RALGAPA1: variants seen among roughly 807,000 people sequenced by gnomAD.
The protein encoded by RALGAPA1 is ral GTPase-activating protein subunit alpha-1.
In RALGAPA1, 52 loss-of-function variants were observed where a neutral mutation model predicts 269.6. The observed-to-expected ratio is 0.19, with a 90% CI of 0.15 to 0.24. RALGAPA1 has a LOEUF of 0.24. Among genes scored for constraint, RALGAPA1 ranks in the 10% least tolerant of loss-of-function variants. The pLI, the probability that RALGAPA1 is intolerant of heterozygous loss-of-function variation, is 1.00. For synonymous variants in RALGAPA1, 817 were observed against 1,008.3 expected, an observed-to-expected ratio of 0.81 and a Z score of 3.60; for missense variants, 1,917 against 3,013.9, an observed-to-expected ratio of 0.64 and a Z score of 8.52.
chr14:35,679,695 C>T (rs948620601), intron 21 of RALGAPA1, among the ~76,000 whole-genome samples: 28 of 151,030 alleles, frequency 1.9e-4, no homozygotes, highest in Non-Finnish European at 3.4e-4. Flanking sequence ...AAGTCAAGGA[C>T]GATCTACATT....
chr14:35,754,562 G>A (rs113328987), intron 7 of RALGAPA1, among the ~76,000 whole-genome samples: 38 of 152,254 alleles, frequency 2.5e-4, no homozygotes, highest in African/African-American at 8.7e-4. Flanking sequence ...CAAATTGACC[G>A]TACCAACTGT....
At chr14:35,598,289 C>T (rs932021920) in intron 36 of RALGAPA1, among the ~76,000 whole-genome samples, 2 of 152,056 alleles carry the variant, frequency 1.3e-5, no homozygotes, top group Non-Finnish European at 2.9e-5. Context: ...CAGTAATTCT[C>T]TTTGCTCTAA....
At chr14:35,593,261 T>C (rs918310504) in intron 37 of RALGAPA1, among the ~76,000 whole-genome samples, 1 of 152,168 alleles carries the variant, frequency 6.6e-6, no homozygotes, top group African/African-American at 2.4e-5. Context: ...ACCATAAACA[T>C]ACTTAGAAAT....
chr14:35,607,065 T>C (rs1170020650), intron 35 of RALGAPA1, among the ~76,000 whole-genome samples: 3 of 152,198 alleles, frequency 2.0e-5, no homozygotes, highest in Non-Finnish European at 4.4e-5. Context: ...ACAGCCTCTC[T>C]CCCAAGCAAA....
intron 26 of RALGAPA1, among the ~76,000 whole-genome samples, chr14:35,670,524 A>G (rs1381086245): frequency 6.6e-6 from 1 of 152,098 alleles, no homozygotes; most frequent in Non-Finnish European, 1.5e-5. Context: ...CTTCCTCTCT[A>G]GCTCACCTCT....
At chr14:35,650,177 G>C (rs1472932668) in intron 31 of RALGAPA1, among the ~76,000 whole-genome samples, 1 of 151,998 alleles carries the variant, frequency 6.6e-6, no homozygotes, top group East Asian at 1.9e-4. Context: ...TTTGAGACCG[G>C]CCTGGCCAAG....
chr14:35,625,249 T>C, intron 35 of RALGAPA1, 112 bp downstream of exon 35: 1 of 646,802 alleles, frequency 1.5e-6, no homozygotes. Context: ...CTCAGAAAGT[T>C]ATAAATCAAT....
At chr14:35,557,169 A>G (rs899014696) in intron 39 of RALGAPA1, among the ~76,000 whole-genome samples, 4 of 150,366 alleles carry the variant, frequency 2.7e-5, no homozygotes, top group African/African-American at 9.7e-5. Flanking sequence ...AAGTTGTACG[A>G]AGCAAAACAA....
chr14:35,574,977 A>C (rs1413202725), intron 37 of RALGAPA1, among the ~76,000 whole-genome samples: 1 of 151,870 alleles, frequency 6.6e-6, no homozygotes, highest in Admixed American at 6.6e-5. Flanking sequence ...AAAATACAAA[A>C]ATTAGACAGG....
chr14:35,577,078 T>C (rs749985459), intron 37 of RALGAPA1, among the ~76,000 whole-genome samples: 4 of 152,216 alleles, frequency 2.6e-5, no homozygotes, highest in Non-Finnish European at 4.4e-5. Flanking sequence ...GGTGAACTCA[T>C]GGTGGCTCCT....
At chr14:35,753,490 A>G (rs985107994) in intron 7 of RALGAPA1, among the ~76,000 whole-genome samples, 6 of 152,200 alleles carry the variant, frequency 3.9e-5, no homozygotes, top group Admixed American at 2.0e-4. Context: ...TATGTATACA[A>G]TATAATATTA....
intron 31 of RALGAPA1, among the ~76,000 whole-genome samples, chr14:35,643,436 A>T (rs2062166769): frequency 6.6e-6 from 1 of 152,204 alleles, no homozygotes; most frequent in Admixed American, 6.5e-5. Context: ...TGTTGGTGGG[A>T]ATTTATGTTA....
At position 35,688,736 on chromosome 14, in the gene RALGAPA1, G is replaced by A; in HGVS notation, c.3675C>T (p.Ser1225=). ...LDTLGTASVS[S]KTVKESTEIP... ...TCTCTGTGGATTCCTTCACTGTTTT[G>A]CTGCTTACTGATGCAGTACCAAGTG... The change falls in exon 18 of 42, where the codon AGC becomes AGT. Residue 1225 remains serine (S), a synonymous_variant. Coordinates refer to ENST00000680220, the MANE Select transcript of RALGAPA1 (RefSeq NM_001346249.2). The A allele has an allele frequency of 6.8e-7, 1 of 1,466,006 alleles. No individual in the cohort carries two copies. Among genetic ancestry groups the A allele is most frequent in the Non-Finnish European group, 9.0e-7 (1 of 1,115,518 alleles). 90.8% of individuals were successfully genotyped at this position (1,466,006 alleles called of 1,614,324 possible).
intron 16 of RALGAPA1, among the ~76,000 whole-genome samples, chr14:35,709,329 T>C (rs1171257723): frequency 1.3e-5 from 2 of 152,150 alleles, no homozygotes; most frequent in East Asian, 1.9e-4. Flanking sequence ...AAATATCTCA[T>C]GTACCCCATA....
chr14:35,687,454 CTG>C (rs1258386343), intron 18 of RALGAPA1, among the ~76,000 whole-genome samples: 1 of 152,204 alleles, frequency 6.6e-6, no homozygotes, highest in Non-Finnish European at 1.5e-5. Context: ...CAGAAGCTCA[CTG>C]TGAAATACCA....
intron 37 of RALGAPA1, among the ~76,000 whole-genome samples, chr14:35,593,116 C>T (rs1214703786): frequency 6.6e-6 from 1 of 152,070 alleles, no homozygotes; most frequent in Admixed American, 6.6e-5. Flanking sequence ...TGAGATTCCA[C>T]AAAAACAGTG....
chr14:35,652,364 TTA>T (rs10645179), intron 30 of RALGAPA1, among the ~76,000 whole-genome samples: 8,616 of 147,520 alleles, frequency 0.058, 309 homozygotes, highest in African/African-American at 0.1. Flanking sequence ...GGCCTTTTGT[TTA>T]TATATATATA....
rs2071256854 is a variant in RALGAPA1 at position 35,738,581 on chromosome 14, C to T, written c.1519G>A (p.Ala507Thr). ...GCTTCTTCAGAGGCGTTATGAAGAG[C>T]ACCTTGGTAGGAGCCGTTTTTTGCC... ...SWAKNGSYQG[A>T]LHNASEEATE... Residue 507 changes from alanine to threonine, a missense_variant, in exon 12 of 42, where the codon GCT becomes ACT. By Grantham distance (58) the Ala-to-Thr change is moderately conservative. Coordinates refer to ENST00000680220, the MANE Select transcript of RALGAPA1 (RefSeq NM_001346249.2). 6.2e-7 allele frequency: 1 copy of T among 1,613,444 alleles called. No homozygotes were observed. The highest frequency in any genetic ancestry group is 8.5e-7 in the Non-Finnish European group (1 of 1,179,762).
chr14:35,784,263 T>C (rs1357970307), intron 1 of RALGAPA1, among the ~76,000 whole-genome samples: 4 of 152,112 alleles, frequency 2.6e-5, no homozygotes, highest in African/African-American at 9.7e-5. Context: ...TATGGTATAA[T>C]CCATACAATG....
Sources: allele counts gnomAD v4.1 joint callset (sites outside exome capture counted in the v4.1 genomes callset), GRCh38; gene constraint gnomAD v4.1.1; transcripts MANE v1.5; gene names NCBI Gene and HGNC (gene_info 2026-07-23, HGNC 2026-07-21).